Variants in TMTC2 observed in about 807,000 individuals in gnomAD.
TMTC2 encodes transmembrane O-mannosyltransferase targeting cadherins 2.
TMTC2 carries 43 observed loss-of-function variants against 82.4 expected under a neutral mutation model. That is an observed-to-expected ratio of 0.52 (90% CI 0.41 to 0.67). TMTC2 has a LOEUF of 0.67. Among genes scored for constraint, TMTC2 ranks in the 30% least tolerant of loss-of-function variants. TMTC2 has a pLI of 0.00. For synonymous variants in TMTC2, 408 were observed against 381.9 expected (o/e 1.07, Z -0.80); for missense variants, 919 against 1,012.4 (o/e 0.91, Z 1.25).
intron 1 of TMTC2, among the ~76,000 whole-genome samples, chr12:82,723,828 A>G (rs1874317688): frequency 6.6e-6 from 1 of 152,174 alleles, no homozygotes; most frequent in African/African-American, 2.4e-5. Context: ...AAACACACCT[A>G]GCCTACTCTG....
At chr12:82,792,985 C>T (rs1394751274) in intron 1 of TMTC2, among the ~76,000 whole-genome samples, 3 of 152,076 alleles carry the variant, frequency 2.0e-5, no homozygotes, top group African/African-American at 7.2e-5. Flanking sequence ...ACATGTTGTC[C>T]AGGCGTTCCT....
chr12:83,036,960 C>T (rs545139652), intron 9 of TMTC2, among the ~76,000 whole-genome samples: 1 of 152,208 alleles, frequency 6.6e-6, no homozygotes, highest in East Asian at 1.9e-4. Context: ...GTCATAAGAA[C>T]TAATCCAGTC....
At chr12:82,697,804 T>C (rs2136894027) in intron 1 of TMTC2, among the ~76,000 whole-genome samples, 1 of 152,344 alleles carries the variant, frequency 6.6e-6, no homozygotes, top group African/African-American at 2.4e-5. Context: ...AAGTAGGTGC[T>C]GATGCCTAAA....
chr12:82,878,894 GA>G (rs1872698043), intron 2 of TMTC2, among the ~76,000 whole-genome samples: 1 of 152,048 alleles, frequency 6.6e-6, no homozygotes, highest in Non-Finnish European at 1.5e-5. Context: ...AATAGATAAT[GA>G]AAAATTAGAA....
chr12:82,750,473 A>G (rs1436963356), intron 1 of TMTC2, among the ~76,000 whole-genome samples: 2 of 152,006 alleles, frequency 1.3e-5, no homozygotes, highest in Non-Finnish European at 2.9e-5. Context: ...CGCACCCAGT[A>G]CCTCCAGGGG....
At chr12:82,994,314 C>T (rs903427454) in intron 8 of TMTC2, among the ~76,000 whole-genome samples, 5 of 152,020 alleles carry the variant, frequency 3.3e-5, no homozygotes, top group Non-Finnish European at 7.4e-5. Context: ...CTACCGGGCC[C>T]GGATAATTTT....
intron 1 of TMTC2, among the ~76,000 whole-genome samples, chr12:82,852,188 G>T (rs527726586): frequency 2.7e-5 from 4 of 149,626 alleles, no homozygotes; most frequent in East Asian, 4.0e-4. Context: ...TGCAAGCTCC[G>T]CCTCCCGGGT....
At chr12:83,045,934 A>G (rs934471918) in intron 9 of TMTC2, among the ~76,000 whole-genome samples, 1 of 152,096 alleles carries the variant, frequency 6.6e-6, no homozygotes, top group Non-Finnish European at 1.5e-5. Context: ...GAGAAGTAAC[A>G]TATCACCCCA....
intron 1 of TMTC2, among the ~76,000 whole-genome samples, chr12:82,832,346 T>G (rs1158207633): frequency 6.6e-6 from 1 of 151,392 alleles, no homozygotes; most frequent in African/African-American, 2.4e-5. Context: ...TGTACAAGTT[T>G]TTTTTTTTTT....
intron 1 of TMTC2, among the ~76,000 whole-genome samples, chr12:82,744,300 G>A (rs902608251): frequency 3.9e-5 from 6 of 152,256 alleles, no homozygotes; most frequent in Admixed American, 1.3e-4. Context: ...GGCACATGCC[G>A]TAGTCCCAGC....
intron 10 of TMTC2, among the ~76,000 whole-genome samples, chr12:83,052,460 G>T (rs565142920): frequency 6.6e-6 from 1 of 152,202 alleles, no homozygotes; most frequent in South Asian, 2.1e-4. Context: ...AGCCTTCAAT[G>T]CAAAGATAAT....
At chr12:83,040,877 G>A (rs2137439558) in intron 9 of TMTC2, among the ~76,000 whole-genome samples, 1 of 151,900 alleles carries the variant, frequency 6.6e-6, no homozygotes, top group South Asian at 2.1e-4. Flanking sequence ...GTAGAGACAG[G>A]GGATCACCGT....
chr12:82,797,761 A>T (rs1162630564), intron 1 of TMTC2, among the ~76,000 whole-genome samples: 1 of 152,038 alleles, frequency 6.6e-6, no homozygotes, highest in African/African-American at 2.4e-5. Context: ...AGGTAGACAG[A>T]ACCAGGACAG....
intron 3 of TMTC2, among the ~76,000 whole-genome samples, chr12:82,916,879 G>A (rs988209775): frequency 1.3e-5 from 2 of 152,092 alleles, no homozygotes; most frequent in African/African-American, 4.8e-5. Flanking sequence ...TTACATATAA[G>A]TACATAGGAT....
rs1871325964 is a variant in TMTC2 at position 82,857,569 on chromosome 12, A to G, written c.643A>G (p.Thr215Ala). The G allele has an allele frequency of 1.9e-6, 3 of 1,603,548 alleles. No homozygotes were observed. Among genetic ancestry groups the G allele is most frequent in the African/African-American group, 2.7e-5 (2 of 74,846 alleles). Reference protein sequence around the residue: ...HRLKIKQILPTIYKRKNLSLF... With the variant: ...HRLKIKQILPAIYKRKNLSLF... ...GCTGAAAATAAAACAGATATTACCTACCATTTACAAAGTAAGTGATTGTTG... is the reference window on the plus strand; with the variant it reads ...GCTGAAAATAAAACAGATATTACCTGCCATTTACAAAGTAAGTGATTGTTG... The change falls in exon 2 of 12, where the codon ACC (threonine) becomes GCC (alanine). Residue 215 changes from threonine to alanine, a missense_variant. Coordinates refer to ENST00000321196, the MANE Select transcript of TMTC2 (RefSeq NM_152588.3).
intron 4 of TMTC2, among the ~76,000 whole-genome samples, chr12:82,931,209 T>G (rs1255676686): frequency 6.6e-6 from 1 of 152,024 alleles, no homozygotes; most frequent in Non-Finnish European, 1.5e-5. Flanking sequence ...GTGCCCAGCC[T>G]TGATTATTAA....
intron 11 of TMTC2, among the ~76,000 whole-genome samples, chr12:83,117,936 A>C (rs540464716): frequency 6.6e-6 from 1 of 150,894 alleles, no homozygotes; most frequent in African/African-American, 2.4e-5. Context: ...TTATTTTGTA[A>C]AAGAGGTTGA....
chr12:82,947,436 G>A (rs1300968126), intron 4 of TMTC2, among the ~76,000 whole-genome samples: 1 of 150,512 alleles, frequency 6.6e-6, no homozygotes. Context: ...TCCGCCTTCC[G>A]GGTTCACGCC....
intron 1 of TMTC2, among the ~76,000 whole-genome samples, chr12:82,806,769 G>A (rs543678307): frequency 3.9e-5 from 6 of 152,158 alleles, no homozygotes; most frequent in South Asian, 2.1e-4. Context: ...CTCCATCCTC[G>A]TTGTCTTCAC....
Sources: gnomAD v4.1 joint callset for allele counts (sites outside exome capture counted in the v4.1 genomes callset) on GRCh38, gnomAD v4.1.1 for gene constraint, MANE v1.5 for transcripts, NCBI Gene and HGNC (gene_info 2026-07-23, HGNC 2026-07-21) for gene names.